FYCO1: variants seen among roughly 807,000 people sequenced by gnomAD.
FYCO1 encodes the protein FYVE and coiled-coil domain-containing protein 1.
FYCO1 carries 122 observed loss-of-function variants against 165.1 expected under a neutral mutation model. The observed-to-expected ratio is 0.74, with a 90% CI of 0.64 to 0.86. The LOEUF (loss-of-function observed/expected upper bound fraction) is 0.86. Among genes scored for constraint, FYCO1 ranks in the 40% least tolerant of loss-of-function variants. The pLI is 0.00. For missense variants in FYCO1, 1,702 were observed against 1,810.3 expected, an observed-to-expected ratio of 0.94 and a Z score of 1.09; for synonymous variants, 648 against 742.5, an observed-to-expected ratio of 0.87 and a Z score of 2.07.
At chr3:45,974,056 C>T (rs1488956877) in intron 5 of FYCO1, among the ~76,000 whole-genome samples, 1 of 151,794 alleles carries the variant, frequency 6.6e-6, no homozygotes, top group African/African-American at 2.4e-5. Flanking sequence ...TTAAGACTAC[C>T]CCAACCCCCT....
In FYCO1 at chr3:45,967,905, G is replaced by C; in HGVS notation, c.1429C>G (p.Leu477Val). The change falls in exon 8 of 18, where the codon CTG becomes GTG. Residue 477 changes from leucine to valine, a missense_variant. Physicochemically the swap from Leu to Val is conservative, Grantham distance 32. Coordinates refer to ENST00000296137, the MANE Select transcript of FYCO1 (RefSeq NM_024513.4). ...DQLWRRLQEL[L>V]AHTSSWEEEL... ...TCCTCCCAGGAGCTCGTGTGGGCCA[G>C]CAACTCCTGCAGCCGTCGCCAGAGC... 1.2e-6 allele frequency: 2 copies of C among 1,614,078 alleles called. No homozygotes were observed. The highest frequency in any genetic ancestry group is 1.7e-6 in the Non-Finnish European group (2 of 1,180,022).
chr3:45,958,750 TG>T, intron 12 of FYCO1, 131 bp from the exon 13 acceptor site: 1 of 830,082 alleles, frequency 1.2e-6, no homozygotes, highest in Non-Finnish European at 2.1e-6. Flanking sequence ...AGTTAGGATG[TG>T]GCCATGAGCT....
At chr3:45,985,986 G>A (rs1302501693) in intron 1 of FYCO1, among the ~76,000 whole-genome samples, 1 of 152,224 alleles carries the variant, frequency 6.6e-6, no homozygotes, top group Non-Finnish European at 1.5e-5. Context: ...ACTAAATGAG[G>A]GTCTATTGCG....
chr3:45,974,791 T>A (rs1706645426), intron 5 of FYCO1, among the ~76,000 whole-genome samples: 1 of 131,082 alleles, frequency 7.6e-6, no homozygotes, highest in Non-Finnish European at 1.6e-5. Context: ...CTGCAGTGGC[T>A]CCCAGTCCTG....
At chr3:45,990,465 C>T (rs2133660) in intron 1 of FYCO1, among the ~76,000 whole-genome samples, 84,819 of 152,014 alleles carry the variant, frequency 0.56, 26,122 homozygotes, top group East Asian at 0.95. Flanking sequence ...CACTGTACTC[C>T]GCTCATGATT....
chr3:45,980,502 T>C (rs1172393820), intron 3 of FYCO1, among the ~76,000 whole-genome samples: 1 of 152,118 alleles, frequency 6.6e-6, no homozygotes, highest in Non-Finnish European at 1.5e-5. Context: ...TACAATAAAT[T>C]TAAATAAATG....
At chr3:45,941,359 CT>C (rs1276590903) in intron 14 of FYCO1, 1 of 152,180 alleles carries the variant, frequency 6.6e-6, no homozygotes, top group African/African-American at 2.4e-5. Context: ...ATGTCTGCCA[CT>C]TCCTTTTTAC....
At chr3:45,942,356 G>A (rs1255772668) in intron 14 of FYCO1, among the ~76,000 whole-genome samples, 2 of 152,224 alleles carry the variant, frequency 1.3e-5, no homozygotes, top group Non-Finnish European at 2.9e-5. Flanking sequence ...CCAGGCTTGC[G>A]GTAGAAATGA....
intron 1 of FYCO1, among the ~76,000 whole-genome samples, chr3:45,989,889 A>C (rs1707488214): frequency 6.6e-6 from 1 of 152,112 alleles, no homozygotes; most frequent in Admixed American, 6.5e-5. Context: ...TGCTCAAGGG[A>C]GGAGCCACAC....
chr3:45,946,826 G>T, intron 14 of FYCO1: 1 of 1,614,148 alleles, frequency 6.2e-7, no homozygotes, highest in Non-Finnish European at 8.5e-7. Context: ...ACTTCTACAC[G>T]TCCATGCTCA....
chr3:45,986,420 C>T (rs1707321483), intron 1 of FYCO1, among the ~76,000 whole-genome samples: 1 of 152,178 alleles, frequency 6.6e-6, no homozygotes, highest in African/African-American at 2.4e-5. Context: ...TGGAAACCAC[C>T]CCAGCCACAA....
In FYCO1 at chr3:45,981,606, C is replaced by T; in HGVS notation, c.126G>A (p.Leu42=). 1 of 1,613,806 alleles carries T rather than the reference C, an allele frequency of 6.2e-7. No individual in the cohort carries two copies. The highest frequency in any genetic ancestry group is 1.1e-5 in the South Asian group (1 of 91,078). ...GEPITDDSTS[L]HKFSYKLEYL... ...ACTCAAGTTTATAAGAAAATTTATGCAAGCTGGTGCTGTCATCCGTGATGG... is the reference window on the plus strand; with the variant it reads ...ACTCAAGTTTATAAGAAAATTTATGTAAGCTGGTGCTGTCATCCGTGATGG... The change falls in exon 3 of 18, where the codon TTG becomes TTA. Residue 42 remains leucine (L), a synonymous_variant. Coordinates refer to ENST00000296137, the MANE Select transcript of FYCO1 (RefSeq NM_024513.4).
chr3:45,967,607 G>A lies in FYCO1; in HGVS notation c.1727C>T (p.Pro576Leu). Residue 576 changes from proline (P) to leucine (L), a missense_variant, in exon 8 of 18, where the codon CCT (proline) becomes CTT (leucine). Physicochemically the swap from Pro to Leu is moderately conservative, Grantham distance 98. Transcript: ENST00000296137. ...VAGEKNEALVPVNSSLQEAWG... is the reference protein window; with the variant it reads ...VAGEKNEALVLVNSSLQEAWG... The stretch of plus-strand genomic sequence containing the variant: ...GGCCTCTTGCAGACTGGAGTTCACA[G>A]GGACCAGGGCCTCATTCTTCTCACC... 4 of 1,614,114 alleles carry A rather than the reference G, an allele frequency of 2.5e-6. No homozygotes were observed. Among genetic ancestry groups the A allele is most frequent in the Non-Finnish European group, 2.5e-6 (3 of 1,180,032 alleles).
chr3:45,969,117 T>C (rs1706276945), intron 7 of FYCO1, among the ~76,000 whole-genome samples: 1 of 152,240 alleles, frequency 6.6e-6, no homozygotes, highest in Admixed American at 6.5e-5. Context: ...CTCTTAATGC[T>C]CCTTATATTG....
rs1412308348 is a variant in FYCO1, at chr3:45,967,892, C to T, written c.1442G>A (p.Ser481Asn). 3 of 1,614,040 alleles carry T rather than the reference C, an allele frequency of 1.9e-6. No individual in the cohort carries two copies. The highest frequency in any genetic ancestry group is 2.5e-6 in the Non-Finnish European group (3 of 1,180,038). Residue 481 changes from serine (S) to asparagine (N), a missense_variant, in exon 8 of 18, where the codon AGC becomes AAC. Coordinates refer to ENST00000296137, the MANE Select transcript of FYCO1 (RefSeq NM_024513.4). ...CTCTGCTAGCTCCTCCTCCCAGGAG[C>T]TCGTGTGGGCCAGCAACTCCTGCAG... is the stretch of plus-strand genomic sequence containing the variant. Reference protein sequence around the residue: ...RRLQELLAHTSSWEEELAELR... With the variant: ...RRLQELLAHTNSWEEELAELR...
rs1705882037 is a variant in FYCO1, at chr3:45,964,511, CAT to C, written c.3151-59_3151-58del. 2 of 1,608,620 alleles carry C rather than the reference CAT, an allele frequency of 1.2e-6. No homozygotes were observed. Among genetic ancestry groups the C allele is most frequent in the Non-Finnish European group, 1.7e-6 (2 of 1,177,798 alleles). ...GCTTGCAGAAGGCCATGCAACGTAC[CAT>C]AAAGTGGCTGGTGTGCCATCCACCC... On this transcript the variant is annotated intron_variant, in intron 9 of 17. Coordinates refer to ENST00000296137, the MANE Select transcript of FYCO1 (RefSeq NM_024513.4). The surrounding 1 kb of genome is among the most constrained non-coding windows in gnomAD (Gnocchi z 4.1).
chr3:45,954,315 G>A (rs980790486), intron 14 of FYCO1, among the ~76,000 whole-genome samples: 1 of 152,104 alleles, frequency 6.6e-6, no homozygotes, highest in Admixed American at 6.5e-5. Flanking sequence ...GTGTGGTCCA[G>A]GGAAGCCAAA....
At chr3:45,933,033 G>A (rs1703707301) in intron 15 of FYCO1, among the ~76,000 whole-genome samples, 1 of 152,160 alleles carries the variant, frequency 6.6e-6, no homozygotes, top group Non-Finnish European at 1.5e-5. Flanking sequence ...TATTTGGATT[G>A]TGCCTCAATC....
intron 14 of FYCO1, chr3:45,947,586 C>T (rs139129395): frequency 3.4e-6 from 4 of 1,173,764 alleles, no homozygotes; most frequent in Non-Finnish European, 3.7e-6. Context: ...GTGAGGCAGG[C>T]TTTGTTTATA....
Sources: gnomAD v4.1 joint callset for allele counts (sites outside exome capture counted in the v4.1 genomes callset) on GRCh38, gnomAD v4.1.1 for gene constraint, Gnocchi (gnomAD v3.1) non-coding constraint, MANE v1.5 for transcripts, NCBI Gene and HGNC (gene_info 2026-07-23, HGNC 2026-07-21) for gene names.